GRAP2: variants seen among roughly 807,000 people sequenced by gnomAD.
The protein encoded by GRAP2 is GRB2 related adaptor protein 2, also known as GRB2-related adapter protein 2.
A neutral mutation model predicts 43.5 loss-of-function variants in GRAP2; 31 were observed. The observed-to-expected ratio is 0.71, with a 90% confidence interval of 0.54 to 0.96. The LOEUF is 0.96. Ranked by LOEUF, GRAP2 falls within the 40% of genes least tolerant of loss-of-function variation. GRAP2 has a pLI of 0.00. For missense variants in GRAP2, 371 were observed against 424.4 expected (o/e 0.87, Z 1.11); for synonymous variants, 156 against 164.8 (o/e 0.95, Z 0.41).
chr22:39,969,512 A>G lies in GRAP2; in HGVS notation c.792A>G (p.Pro264=). ...TCATGCATCGGAGACACACAGACCCAGTGCAGCTCCAGGCGGCAGGGGTAT... is the reference window on the plus strand; with the variant it reads ...TCATGCATCGGAGACACACAGACCCGGTGCAGCTCCAGGCGGCAGGGGTAT... The part of the protein sequence containing the change: ...AALMHRRHTD[P]VQLQAAGRVR... The change falls in exon 7 of 8, where the codon CCA becomes CCG. Residue 264 remains proline (P), a synonymous_variant. Transcript: ENST00000344138. The G allele has an allele frequency of 6.2e-7, 1 of 1,614,066 alleles. No homozygotes were observed. The highest frequency in any genetic ancestry group is 1.1e-5 in the South Asian group (1 of 91,078).
intron 5 of GRAP2, among the ~76,000 whole-genome samples, chr22:39,967,505 G>A (rs2067186629): frequency 6.6e-6 from 1 of 152,178 alleles, no homozygotes; most frequent in Non-Finnish European, 1.5e-5. Flanking sequence ...TTGTAAGGTT[G>A]TTGTAACATT....
chr22:39,927,052 G>A (rs1210820422), intron 1 of GRAP2, among the ~76,000 whole-genome samples: 1 of 152,200 alleles, frequency 6.6e-6, no homozygotes, highest in East Asian at 1.9e-4. Context: ...TTCTCCCAGA[G>A]AGAAACTTGT....
At chr22:39,932,036 T>C (rs2066760449) in intron 1 of GRAP2, among the ~76,000 whole-genome samples, 1 of 152,180 alleles carries the variant, frequency 6.6e-6, no homozygotes, top group South Asian at 2.1e-4. Context: ...GGCTTCATTC[T>C]AGAACCTTCA....
At chr22:39,911,827 G>A (rs2066569511) in intron 1 of GRAP2, among the ~76,000 whole-genome samples, 3 of 152,280 alleles carry the variant, frequency 2.0e-5, no homozygotes, top group Admixed American at 2.0e-4. Context: ...CGGCACCGCC[G>A]GGGAGCCTGT....
intron 1 of GRAP2, among the ~76,000 whole-genome samples, chr22:39,936,077 C>A (rs1477118057): frequency 1.3e-5 from 2 of 152,014 alleles, no homozygotes; most frequent in Non-Finnish European, 2.9e-5. Flanking sequence ...GTGATATATT[C>A]CAGGGGAAAT....
At chr22:39,931,532 A>C (rs538678655) in intron 1 of GRAP2, among the ~76,000 whole-genome samples, 2 of 152,362 alleles carry the variant, frequency 1.3e-5, no homozygotes, top group South Asian at 4.1e-4. Flanking sequence ...GACTAGATAC[A>C]TGGGTGGTAC....
intron 1 of GRAP2, among the ~76,000 whole-genome samples, chr22:39,946,558 CCCAAA>C (rs1393917395): frequency 6.6e-6 from 1 of 152,182 alleles, no homozygotes; most frequent in Non-Finnish European, 1.5e-5. Flanking sequence ...TCTTTCTACT[CCCAAA>C]CCATGCAGAA....
chr22:39,969,396 GT>G lies in GRAP2; in HGVS notation c.691-13del, dbSNP rs759226323. 3.1e-6 allele frequency: 5 copies of G among 1,613,404 alleles called. No individual in the cohort carries two copies. In the South Asian group the frequency reaches 5.5e-5, roughly 18 times the overall value. On this transcript the variant is annotated splice_polypyrimidine_tract_variant and intron_variant, in intron 6 of 7. Coordinates refer to ENST00000344138, the MANE Select transcript of GRAP2 (RefSeq NM_004810.4). ...CTGGCAGTGGGGTGACCAGTCTTCT[GT>G]TGTATGTTTCTAGGAACGCCGAGGA...
At chr22:39,948,780 G>A (rs1300667302) in intron 2 of GRAP2, among the ~76,000 whole-genome samples, 1 of 152,012 alleles carries the variant, frequency 6.6e-6, no homozygotes, top group African/African-American at 2.4e-5. Flanking sequence ...ACTGCTAACT[G>A]GCCCTCTCCT....
intron 2 of GRAP2, among the ~76,000 whole-genome samples, chr22:39,949,719 G>A (rs1048699056): frequency 6.6e-6 from 1 of 152,084 alleles, no homozygotes; most frequent in Non-Finnish European, 1.5e-5. Context: ...CCATCTTGCC[G>A]GGTTGTGGAG....
At position 39,965,949 on chromosome 22, in the gene GRAP2, T is replaced by C. The variant is rs1293206266; in HGVS notation, c.291-41T>C. The C allele has an allele frequency of 6.4e-6, 10 of 1,554,188 alleles. No individual in the cohort carries two copies. In the South Asian group the frequency reaches 1.0e-4, roughly 16 times the overall value. ...GAGCAGCCTGGAGGTGGTGACATTA[T>C]CACCGTGTAACATACAATTTTGTTT... On this transcript the variant is annotated intron_variant, in intron 4 of 7. Coordinates refer to ENST00000344138, the MANE Select transcript of GRAP2 (RefSeq NM_004810.4).
At chr22:39,948,767 G>A (rs973185095) in intron 2 of GRAP2, among the ~76,000 whole-genome samples, 5 of 152,078 alleles carry the variant, frequency 3.3e-5, no homozygotes, top group Non-Finnish European at 1.5e-5. Flanking sequence ...CTGTGGGATT[G>A]ACACTGCTAA....
chr22:39,955,443 A>G (rs1040215883), intron 2 of GRAP2, among the ~76,000 whole-genome samples: 1 of 152,048 alleles, frequency 6.6e-6, no homozygotes, highest in Non-Finnish European at 1.5e-5. Context: ...TGGAGTAACC[A>G]TTCTTCCTTC....
chr22:39,937,787 T>C (rs2066821060), intron 1 of GRAP2, among the ~76,000 whole-genome samples: 1 of 152,136 alleles, frequency 6.6e-6, no homozygotes, highest in Non-Finnish European at 1.5e-5. Flanking sequence ...TGAAGCCAGG[T>C]CTGACACCTA....
chr22:39,946,570 A>G (rs760777648), intron 1 of GRAP2, among the ~76,000 whole-genome samples: 8 of 152,242 alleles, frequency 5.3e-5, no homozygotes, highest in Non-Finnish European at 1.0e-4. Flanking sequence ...CAAACCATGC[A>G]GAAGGAAGCT....
Position 39,902,039 on chromosome 22 carries a change from A to G in GRAP2, c.-15+709A>G, listed in dbSNP as rs1327860159. Among the ~76,000 whole-genome samples the G allele has an allele frequency of 3.9e-5, 6 of 152,224 alleles. No individual in the cohort carries two copies. The East Asian group carries it at 1.2e-3, about 29-fold the overall frequency. On this transcript the variant is annotated intron_variant, in intron 1 of 7. Coordinates refer to ENST00000344138, the MANE Select transcript of GRAP2 (RefSeq NM_004810.4). ...AATGTACTGTATTGCCCTGACAGGT[A>G]TACTGTCAAAAAAAATTTACCGTAT...
chr22:39,946,482 G>A (rs142343520), intron 1 of GRAP2, among the ~76,000 whole-genome samples: 1,973 of 152,268 alleles, frequency 0.013, 24 homozygotes, highest in Non-Finnish European at 0.018. Flanking sequence ...AATGTACTTG[G>A]TTTATAATAT....
chr22:39,919,961 A>T (rs559577180), intron 1 of GRAP2, among the ~76,000 whole-genome samples: 1 of 152,306 alleles, frequency 6.6e-6, no homozygotes, highest in African/African-American at 2.4e-5. Flanking sequence ...GGCCAGAGAG[A>T]TTATACGAAC....
At chr22:39,925,927 G>T (rs564040154) in intron 1 of GRAP2, among the ~76,000 whole-genome samples, 1 of 152,288 alleles carries the variant, frequency 6.6e-6, no homozygotes, top group South Asian at 2.1e-4. Context: ...ATCACCTCCA[G>T]GAGACTCTCC....
Sources: gnomAD v4.1 joint callset for allele counts (sites outside exome capture counted in the v4.1 genomes callset) on GRCh38, gnomAD v4.1.1 for gene constraint, MANE v1.5 for transcripts, NCBI Gene and HGNC (gene_info 2026-07-23, HGNC 2026-07-21) for gene names.